EPHA3: variants seen among roughly 807,000 people sequenced by gnomAD.
EPHA3 encodes the protein ephrin type-A receptor 3.
In EPHA3, 42 loss-of-function variants were observed where a neutral mutation model predicts 107.1. The ratio of observed to expected loss-of-function variants is 0.39; its 90% CI spans 0.31 to 0.51. The LOEUF (loss-of-function observed/expected upper bound fraction) is 0.51. Ranked by LOEUF, EPHA3 falls within the 20% of genes least tolerant of loss-of-function variation. The pLI is 0.78. For missense variants in EPHA3, 1,183 were observed against 1,211.2 expected (o/e 0.98, Z 0.35); for synonymous variants, 461 against 424.8 (o/e 1.09, Z -1.05).
At chr3:89,429,776 G>GGCAATGGT (rs202240466) in intron 12 of EPHA3, among the ~76,000 whole-genome samples, 97 of 150,462 alleles carry the variant, frequency 6.4e-4, no homozygotes, top group African/African-American at 1.9e-3. Context: ...TTGTTGCCCA[G>GGCAATGGT]GCAATGGTGC....
intron 5 of EPHA3, 122 bp downstream of exon 5, chr3:89,342,212 C>G (rs886850615): frequency 1.3e-6 from 1 of 793,432 alleles, no homozygotes; most frequent in Non-Finnish European, 1.9e-6. Flanking sequence ...ATTTTGCCTT[C>G]TAACACATTT....
intron 3 of EPHA3, among the ~76,000 whole-genome samples, chr3:89,243,408 T>C (rs377163743): frequency 2.0e-4 from 31 of 152,078 alleles, no homozygotes; most frequent in African/African-American, 3.9e-4. Flanking sequence ...ACATCCTCTC[T>C]AGCACCTGTT....
Position 89,395,839 on chromosome 3 carries a change from C to G in EPHA3, c.1309C>G (p.Pro437Ala). 1 of 1,613,814 alleles carries G rather than the reference C, an allele frequency of 6.2e-7. No homozygotes were observed. Among genetic ancestry groups the G allele is most frequent in the Non-Finnish European group, 8.5e-7 (1 of 1,179,838 alleles). ...CCCCTCCCATCCTCTCTTTACAGCT[C>G]CATCACCTGTCCTGACGATTAAGAA... ...AVSITTNQAA[P>A]SPVLTIKKDR... The change falls in exon 6 of 17, where the codon CCA becomes GCA. Residue 437 changes from proline (P) to alanine (A), a missense_variant and splice_region_variant. Physicochemically the swap from Pro to Ala is conservative, Grantham distance 27. Coordinates refer to ENST00000336596, the MANE Select transcript of EPHA3 (RefSeq NM_005233.6).
intron 3 of EPHA3, among the ~76,000 whole-genome samples, chr3:89,269,086 C>T (rs1705601923): frequency 6.6e-6 from 1 of 152,068 alleles, no homozygotes; most frequent in Non-Finnish European, 1.5e-5. Flanking sequence ...TCGAGTGTTG[C>T]TTTTGTAAAT....
intron 5 of EPHA3, among the ~76,000 whole-genome samples, chr3:89,363,685 T>C (rs1559665455): frequency 6.6e-6 from 1 of 150,850 alleles, no homozygotes; most frequent in Non-Finnish European, 1.5e-5. Flanking sequence ...TGTGTGCGTG[T>C]GTGTGTGTGT....
At chr3:89,149,303 G>A (rs1704638414) in intron 2 of EPHA3, among the ~76,000 whole-genome samples, 1 of 151,810 alleles carries the variant, frequency 6.6e-6, no homozygotes. Flanking sequence ...ATTACTTTGA[G>A]GATGGAACAA....
chr3:89,141,501 T>C (rs1704430335), intron 2 of EPHA3, among the ~76,000 whole-genome samples: 1 of 151,640 alleles, frequency 6.6e-6, no homozygotes, highest in Non-Finnish European at 1.5e-5. Context: ...TGGTTTCTCC[T>C]AGATCAATGT....
chr3:89,319,284 ACT>A (rs1347466626), intron 3 of EPHA3, among the ~76,000 whole-genome samples: 1 of 151,992 alleles, frequency 6.6e-6, no homozygotes. Context: ...TGACATGTAT[ACT>A]GAGTATTATC....
intron 2 of EPHA3, among the ~76,000 whole-genome samples, chr3:89,208,024 G>T (rs575092780): frequency 6.6e-6 from 1 of 152,074 alleles, no homozygotes; most frequent in Non-Finnish European, 1.5e-5. Context: ...GATTGTCAGG[G>T]TTATGGAAGG....
chr3:89,478,715 C>T (rs1053140388), intron 16 of EPHA3, among the ~76,000 whole-genome samples: 16 of 152,184 alleles, frequency 1.1e-4, no homozygotes, highest in African/African-American at 3.6e-4. Context: ...TCAATTCTGG[C>T]GTACTCTGTT....
At chr3:89,430,145 A>G (rs1243747308) in intron 12 of EPHA3, among the ~76,000 whole-genome samples, 1 of 152,176 alleles carries the variant, frequency 6.6e-6, no homozygotes, top group Admixed American at 6.6e-5. Context: ...ATGTTCAACA[A>G]TTTCATGAAG....
At chr3:89,142,159 T>C (rs7429534) in intron 2 of EPHA3, among the ~76,000 whole-genome samples, 82,054 of 151,092 alleles carry the variant, frequency 0.54, 22,974 homozygotes, top group Admixed American at 0.64. Context: ...GAGGTAATCA[T>C]GAAACTTTAA....
intron 12 of EPHA3, 52 bp from the exon 13 acceptor site, chr3:89,431,098 A>C: frequency 6.4e-7 from 1 of 1,562,966 alleles, no homozygotes; most frequent in Non-Finnish European, 8.8e-7. Context: ...ATAAAGATAT[A>C]TCTTTAAGAA....
chr3:89,416,846 A>T lies in EPHA3; in HGVS notation c.1889-2359A>T, dbSNP rs1378161634. ...AGAACACTCTTAATTGGCTCATTTAAAATTTGAACTCCTACTTTTCATATC... is the reference window on the plus strand; with the variant it reads ...AGAACACTCTTAATTGGCTCATTTATAATTTGAACTCCTACTTTTCATATC... On this transcript the variant is annotated intron_variant, in intron 10 of 16. Transcript: ENST00000336596. Among the ~76,000 whole-genome samples the T allele has an allele frequency of 3.3e-5, 5 of 151,588 alleles. No homozygotes were observed. The East Asian group carries it at 9.7e-4, about 29-fold the overall frequency.
Position 89,481,627 on chromosome 3 carries a change from A to G in EPHA3, c.*2125A>G, listed in dbSNP as rs1350418827. 4 of 232,504 alleles carry G rather than the reference A, an allele frequency of 1.7e-5. No homozygotes were observed. The highest frequency in any genetic ancestry group is 5.6e-5 in the Admixed American group (1 of 17,748). The allele number at this position is 232,504 out of a possible 1,614,324, so 14.4% of individuals were successfully genotyped here. ...TTCACTTATTTTGGCTGTGGTTTCC[A>G]TCTGAAAGTAGAGGTTGTATACACC... On this transcript the variant is annotated 3_prime_UTR_variant, in exon 17 of 17. Coordinates refer to ENST00000336596, the MANE Select transcript of EPHA3 (RefSeq NM_005233.6).
rs1553707124 is a variant in EPHA3 at position 89,160,548 on chromosome 3, T to TGTGTG, written c.153+33275_153+33276insGTGTG. Among the ~76,000 whole-genome samples the TGTGTG allele has an allele frequency of 8.4e-3, 1,009 of 120,526 alleles. 30 individuals carry two copies. Among genetic ancestry groups the TGTGTG allele is most frequent in the African/African-American group, 0.034 (955 of 28,202 alleles). The allele number at this position is 120,526 out of a possible 152,430, so 79.1% of individuals were successfully genotyped here. ...AGTCAGAGAAAAGTAATATTAGATT[T>TGTGTG]TGTGTGTGTGTGTGTGTGTGTGTGT... On this transcript the variant is annotated intron_variant, in intron 2 of 16. Coordinates refer to ENST00000336596, the MANE Select transcript of EPHA3 (RefSeq NM_005233.6).
chr3:89,267,016 A>G (rs1705553384), intron 3 of EPHA3, among the ~76,000 whole-genome samples: 2 of 152,126 alleles, frequency 1.3e-5, no homozygotes, highest in Non-Finnish European at 1.5e-5. Context: ...AATGTTTTCT[A>G]CCACTTCTCA....
At chr3:89,391,205 G>C (rs1274110074) in intron 5 of EPHA3, among the ~76,000 whole-genome samples, 1 of 152,038 alleles carries the variant, frequency 6.6e-6, no homozygotes, top group Non-Finnish European at 1.5e-5. Flanking sequence ...TAGATTGAAA[G>C]CATCATGCAA....
In EPHA3 at chr3:89,127,195, A is replaced by G. The variant is rs560245157; in HGVS notation, c.89-14A>G. ...CTGTTATTAACTGTGTTTGTGTATT[A>G]TGTTTTATTTTAGTCAATCTACTGG... On this transcript the variant is annotated splice_polypyrimidine_tract_variant and intron_variant, in intron 1 of 16. Coordinates refer to ENST00000336596, the MANE Select transcript of EPHA3 (RefSeq NM_005233.6). The G allele has an allele frequency of 1.2e-6, 2 of 1,602,254 alleles. No homozygotes were observed. Among genetic ancestry groups the G allele is most frequent in the East Asian group, 2.2e-5 (1 of 44,716 alleles).
Sources: gnomAD v4.1 joint callset for allele counts (sites outside exome capture counted in the v4.1 genomes callset) on GRCh38, gnomAD v4.1.1 for gene constraint, MANE v1.5 for transcripts, NCBI Gene and HGNC (gene_info 2026-07-23, HGNC 2026-07-21) for gene names.